FMNL2: variants seen among roughly 807,000 people sequenced by gnomAD.
FMNL2 encodes formin-like protein 2.
In FMNL2, 51 loss-of-function variants were observed where a neutral mutation model predicts 130.2. The observed-to-expected ratio is 0.39, with a 90% CI of 0.31 to 0.49. The LOEUF is 0.49. FMNL2 is among the 20% of genes least tolerant of loss of function. The pLI, the probability that FMNL2 is intolerant of heterozygous loss-of-function variation, is 0.85. For synonymous variants in FMNL2, 465 were observed against 467.1 expected, an observed-to-expected ratio of 1.00 and a Z score of 0.06; for missense variants, 977 against 1,316.2, an observed-to-expected ratio of 0.74 and a Z score of 3.99.
chr2:152,349,020 A>G (rs960245772), intron 1 of FMNL2, among the ~76,000 whole-genome samples: 1 of 138,212 alleles, frequency 7.2e-6, no homozygotes, highest in African/African-American at 2.8e-5. Context: ...ATTTTTTAGT[A>G]GAGACGGGGT....
intron 9 of FMNL2, among the ~76,000 whole-genome samples, chr2:152,588,322 C>A (rs1437679): frequency 0.32 from 49,311 of 152,018 alleles, 8,236 homozygotes; most frequent in Middle Eastern, 0.5. Flanking sequence ...CTCTGCTTCT[C>A]TTGACACATT....
intron 1 of FMNL2, among the ~76,000 whole-genome samples, chr2:152,413,299 A>T (rs1007950098): frequency 2.6e-5 from 4 of 152,142 alleles, no homozygotes; most frequent in Admixed American, 2.6e-4. Context: ...AGGAGTAAGA[A>T]TTGTGCTATT....
chr2:152,407,535 T>C (rs1300734950), intron 1 of FMNL2, among the ~76,000 whole-genome samples: 1 of 152,198 alleles, frequency 6.6e-6, no homozygotes, highest in Admixed American at 6.5e-5. Flanking sequence ...GTCTGCTCAG[T>C]TGTGGCCTAG....
intron 4 of FMNL2, among the ~76,000 whole-genome samples, chr2:152,553,886 T>G (rs1695069753): frequency 6.6e-6 from 1 of 152,194 alleles, no homozygotes; most frequent in African/African-American, 2.4e-5. Flanking sequence ...GGCAGCTAGA[T>G]TCTCCTGAGT....
Position 152,647,838 on chromosome 2 carries a change from G to A in FMNL2, c.3212G>A (p.Arg1071Lys), listed in dbSNP as rs763994918. 1.2e-6 allele frequency: 2 copies of A among 1,613,954 alleles called. No individual in the cohort carries two copies. The highest frequency in any genetic ancestry group is 1.7e-6 in the Non-Finnish European group (2 of 1,179,872). ...TACAGACGAGCCGATGCGGTGAGGA[G>A]AAGCGTCAGGCGGCGCTTTGATGAT... ...QPYRRADAVRRSVRRRFDDQN... is the reference protein window; with the variant it reads ...QPYRRADAVRKSVRRRFDDQN... Residue 1071 changes from arginine (R) to lysine (K), a missense_variant, in exon 26 of 26, where the codon AGA becomes AAA. Coordinates refer to ENST00000288670, the MANE Select transcript of FMNL2 (RefSeq NM_052905.4).
chr2:152,430,801 A>T (rs1294279081), intron 1 of FMNL2, among the ~76,000 whole-genome samples: 1 of 152,088 alleles, frequency 6.6e-6, no homozygotes, highest in Non-Finnish European at 1.5e-5. Context: ...TGAACTCGGG[A>T]GGTGGAGGTT....
At chr2:152,354,538 G>C (rs1682682601) in intron 1 of FMNL2, among the ~76,000 whole-genome samples, 1 of 152,118 alleles carries the variant, frequency 6.6e-6, no homozygotes, top group Non-Finnish European at 1.5e-5. Flanking sequence ...TAATCTGTTT[G>C]GGTTGCGTCC....
intron 1 of FMNL2, among the ~76,000 whole-genome samples, chr2:152,511,890 G>A (rs1692512447): frequency 6.6e-6 from 1 of 152,120 alleles, no homozygotes; most frequent in Admixed American, 6.6e-5. Flanking sequence ...GTAGAATCTT[G>A]ATATCTAATA....
At position 152,566,742 on chromosome 2, in the gene FMNL2, A is replaced by G. The variant is rs960689297; in HGVS notation, c.596+5707A>G. ...TGTACACATGTTTGTGTACATGAGC[A>G]CATATATGAAATGTCATGTGAGTGT... On this transcript the variant is annotated intron_variant, in intron 6 of 25. Coordinates refer to ENST00000288670, the MANE Select transcript of FMNL2 (RefSeq NM_052905.4). Among the ~76,000 whole-genome samples the G allele has an allele frequency of 6.6e-5, 10 of 152,322 alleles. No homozygotes were observed. The South Asian group carries it at 1.9e-3, about 28-fold the overall frequency.
chr2:152,591,166 G>A (rs1484469164), intron 9 of FMNL2, among the ~76,000 whole-genome samples: 4 of 151,398 alleles, frequency 2.6e-5, no homozygotes, highest in African/African-American at 4.9e-5. Flanking sequence ...GTGCCACCAC[G>A]CCTGGCTAAT....
At chr2:152,348,120 A>G (rs2105761521) in intron 1 of FMNL2, among the ~76,000 whole-genome samples, 1 of 152,290 alleles carries the variant, frequency 6.6e-6, no homozygotes, top group Non-Finnish European at 1.5e-5. Flanking sequence ...TTACAGACCC[A>G]CGTCAGCATG....
intron 11 of FMNL2, among the ~76,000 whole-genome samples, chr2:152,612,631 T>C (rs187590028): frequency 8.5e-5 from 13 of 152,310 alleles, no homozygotes; most frequent in Admixed American, 8.5e-4. Context: ...CTTCCTTTTT[T>C]TTGAGACAGG....
intron 6 of FMNL2, among the ~76,000 whole-genome samples, chr2:152,572,506 G>A (rs1364556863): frequency 6.6e-6 from 1 of 152,132 alleles, no homozygotes; most frequent in Non-Finnish European, 1.5e-5. Context: ...CAGGGAAGTG[G>A]TTATTAGATA....
intron 9 of FMNL2, among the ~76,000 whole-genome samples, chr2:152,582,225 G>A (rs1435226136): frequency 6.6e-6 from 1 of 152,154 alleles, no homozygotes; most frequent in African/African-American, 2.4e-5. Context: ...TCCCTTGAAG[G>A]AAATAAGGGA....
chr2:152,605,060 G>A (rs1698289374), intron 9 of FMNL2, among the ~76,000 whole-genome samples: 1 of 151,930 alleles, frequency 6.6e-6, no homozygotes, highest in South Asian at 2.1e-4. Flanking sequence ...GGCCTGTACT[G>A]CCTCACCCCC....
intron 9 of FMNL2, among the ~76,000 whole-genome samples, chr2:152,605,742 C>T (rs981272198): frequency 6.6e-6 from 1 of 152,128 alleles, no homozygotes; most frequent in African/African-American, 2.4e-5. Context: ...CATGAAAATG[C>T]AGTAAATGGT....
chr2:152,430,940 TA>T (rs1687462612), intron 1 of FMNL2, among the ~76,000 whole-genome samples: 1 of 152,282 alleles, frequency 6.6e-6, no homozygotes. Context: ...CCCCCCTTTT[TA>T]TTTTTGCTGA....
Position 152,419,239 on chromosome 2 carries a change from G to A in FMNL2, c.117+83519G>A, listed in dbSNP as rs547438131. Among the ~76,000 whole-genome samples the A allele has an allele frequency of 2.6e-5, 4 of 152,220 alleles. 1 individual carries two copies. The highest frequency in any genetic ancestry group is 9.6e-5 in the African/African-American group (4 of 41,516). On this transcript the variant is annotated intron_variant, in intron 1 of 25. Coordinates refer to ENST00000288670, the MANE Select transcript of FMNL2 (RefSeq NM_052905.4). ...TGATGTAATGATGTTTGAACTCAAT[G>A]TGGAATGATTAAATCAAGCTACCTA...
intron 1 of FMNL2, among the ~76,000 whole-genome samples, chr2:152,457,037 T>C (rs145802002): frequency 0.018 from 2,671 of 152,320 alleles, 38 homozygotes; most frequent in Non-Finnish European, 0.031. Context: ...CAATTCTGGT[T>C]ATGATAATGT....
Sources: gnomAD v4.1 joint callset for allele counts (sites outside exome capture counted in the v4.1 genomes callset) on GRCh38, gnomAD v4.1.1 for gene constraint, MANE v1.5 for transcripts, NCBI Gene and HGNC (gene_info 2026-07-23, HGNC 2026-07-21) for gene names.